DLG2: variants seen among roughly 807,000 people sequenced by gnomAD.
The protein encoded by DLG2 is disks large homolog 2.
A neutral mutation model predicts 132.5 loss-of-function variants in DLG2; 45 were observed. That is an observed-to-expected ratio of 0.34 (90% confidence interval 0.27 to 0.44). The LOEUF is 0.44. DLG2 is among the 20% of genes least tolerant of loss of function. The pLI is 1.00. For missense variants in DLG2, 1,045 were observed against 1,196.9 expected, an observed-to-expected ratio of 0.87 and a Z score of 1.87; for synonymous variants, 424 against 419.6, an observed-to-expected ratio of 1.01 and a Z score of -0.13.
intron 6 of DLG2, among the ~76,000 whole-genome samples, chr11:84,830,055 T>C (rs942212738): frequency 6.6e-6 from 1 of 151,676 alleles, no homozygotes; most frequent in Non-Finnish European, 1.5e-5. Context: ...TCATTATATA[T>C]AATATACAAA....
chr11:84,911,141 T>C (rs2092019574), intron 6 of DLG2, among the ~76,000 whole-genome samples: 1 of 152,164 alleles, frequency 6.6e-6, no homozygotes. Context: ...TTGTTTATGC[T>C]TCATAACAAC....
At chr11:83,532,814 A>C in intron 20 of DLG2, 31 bp from the exon 21 acceptor site, 1 of 1,590,886 alleles carries the variant, frequency 6.3e-7, no homozygotes, top group Non-Finnish European at 8.6e-7. Context: ...AGAGTCTCTC[A>C]CGTGACAAGG....
intron 7 of DLG2, among the ~76,000 whole-genome samples, chr11:84,282,869 C>A (rs1268180174): frequency 6.6e-6 from 1 of 152,124 alleles, no homozygotes; most frequent in Non-Finnish European, 1.5e-5. Context: ...TTAGATGCAA[C>A]CAACTCTCAA....
intron 6 of DLG2, among the ~76,000 whole-genome samples, chr11:84,648,751 C>G (rs1351430224): frequency 6.8e-6 from 1 of 147,964 alleles, no homozygotes. Context: ...CTCTCCTTCT[C>G]TCTCTCTCTA....
intron 6 of DLG2, among the ~76,000 whole-genome samples, chr11:84,624,918 C>T (rs1322924785): frequency 2.4e-5 from 3 of 123,162 alleles, no homozygotes; most frequent in Non-Finnish European, 4.8e-5. Context: ...AGTGCAGTGG[C>T]GGGATCTCAG....
chr11:84,757,383 A>G (rs1257663128), intron 6 of DLG2, among the ~76,000 whole-genome samples: 1 of 152,162 alleles, frequency 6.6e-6, no homozygotes, highest in East Asian at 1.9e-4. Context: ...GCATTTTACA[A>G]AAGTATTGGT....
intron 12 of DLG2, among the ~76,000 whole-genome samples, chr11:83,978,250 T>G (rs2092455826): frequency 6.6e-6 from 1 of 151,790 alleles, no homozygotes; most frequent in Non-Finnish European, 1.5e-5. Context: ...GCATTTACCA[T>G]GATGGTACAA....
chr11:84,826,725 CATGGTG>C (rs2078372487), intron 6 of DLG2, among the ~76,000 whole-genome samples: 1 of 151,940 alleles, frequency 6.6e-6, no homozygotes, highest in East Asian at 2.0e-4. Flanking sequence ...CTGGCACTGC[CATGGTG>C]TGAGGTGCCA....
intron 18 of DLG2, among the ~76,000 whole-genome samples, chr11:83,768,093 G>A (rs1566888895): frequency 1.3e-5 from 2 of 152,078 alleles, no homozygotes; most frequent in Non-Finnish European, 2.9e-5. Flanking sequence ...GCGAGATAAT[G>A]CACATTTACT....
At chr11:83,743,084 A>T (rs977594786) in intron 18 of DLG2, among the ~76,000 whole-genome samples, 1 of 152,212 alleles carries the variant, frequency 6.6e-6, no homozygotes, top group East Asian at 1.9e-4. Context: ...GATCTATCCA[A>T]CCAAGACTAG....
chr11:85,332,588 G>C (rs57239067), intron 3 of DLG2, among the ~76,000 whole-genome samples: 55 of 152,148 alleles, frequency 3.6e-4, no homozygotes, highest in Non-Finnish European at 1.0e-4. Flanking sequence ...TATAGTTTTA[G>C]ATCTTAAATA....
chr11:83,879,005 A>AT (rs1196610108), intron 15 of DLG2, among the ~76,000 whole-genome samples: 4 of 152,156 alleles, frequency 2.6e-5, no homozygotes, highest in Non-Finnish European at 5.9e-5. Flanking sequence ...GAACTCTCTG[A>AT]TTTTTTCCAA....
chr11:85,034,223 G>A (rs147909046), intron 6 of DLG2, among the ~76,000 whole-genome samples: 2,989 of 151,896 alleles, frequency 0.02, 53 homozygotes, highest in Admixed American at 0.042. Flanking sequence ...GACCACAGGC[G>A]CCTGCCACCA....
intron 8 of DLG2, among the ~76,000 whole-genome samples, chr11:84,210,443 G>A (rs973125448): frequency 2.7e-5 from 4 of 149,496 alleles, no homozygotes; most frequent in Non-Finnish European, 3.0e-5. Context: ...GCTAGATGAC[G>A]AGTTAGTGGG....
chr11:84,344,703 A>G (rs904231720), intron 7 of DLG2, among the ~76,000 whole-genome samples: 2 of 152,196 alleles, frequency 1.3e-5, no homozygotes, highest in Non-Finnish European at 2.9e-5. Context: ...GCTATCCCCC[A>G]GTGACTCTTT....
intron 18 of DLG2, among the ~76,000 whole-genome samples, chr11:83,727,926 C>T (rs2090318431): frequency 6.6e-6 from 1 of 152,196 alleles, no homozygotes; most frequent in Admixed American, 6.5e-5. Context: ...CAGCTGAAGT[C>T]ATACTATAGA....
intron 3 of DLG2, among the ~76,000 whole-genome samples, chr11:85,368,951 G>A (rs2084763379): frequency 2.0e-5 from 3 of 152,188 alleles, no homozygotes; most frequent in Non-Finnish European, 4.4e-5. Context: ...CTCTGGATTT[G>A]CAAGAGTCCC....
At chr11:85,404,744 T>C (rs1010290768) in intron 3 of DLG2, among the ~76,000 whole-genome samples, 7 of 152,020 alleles carry the variant, frequency 4.6e-5, no homozygotes, top group Admixed American at 1.3e-4. Flanking sequence ...TTGGTATTTA[T>C]AGTCTCTATC....
chr11:84,480,601 G>A (rs1180189109), intron 7 of DLG2, among the ~76,000 whole-genome samples: 3 of 152,046 alleles, frequency 2.0e-5, no homozygotes, highest in African/African-American at 7.2e-5. Flanking sequence ...TTGGTATGAA[G>A]AAATGCCTGG....
Sources: allele counts gnomAD v4.1 joint callset (sites outside exome capture counted in the v4.1 genomes callset), GRCh38; gene constraint gnomAD v4.1.1; transcripts MANE v1.5; gene names NCBI Gene and HGNC (gene_info 2026-07-23, HGNC 2026-07-21).